The following FBXL7 variants were observed in gnomAD, a reference collection of about 807,000 sequenced individuals.
FBXL7 encodes F-box/LRR-repeat protein 7.
A neutral mutation model predicts 38.3 loss-of-function variants in FBXL7; 12 were observed. That is an observed-to-expected ratio of 0.31 (90% CI 0.20 to 0.51). The LOEUF (loss-of-function observed/expected upper bound fraction) is 0.51. FBXL7 is among the 20% of genes least tolerant of loss of function. The pLI, the probability that FBXL7 is intolerant of heterozygous loss-of-function variation, is 0.98. For synonymous variants in FBXL7, 297 were observed against 300.9 expected (o/e 0.99, Z 0.13); for missense variants, 567 against 676.4 (o/e 0.84, Z 1.79).
chr5:15,523,454 G>A (rs1317570594), intron 1 of FBXL7, among the ~76,000 whole-genome samples: 1 of 152,066 alleles, frequency 6.6e-6, no homozygotes, highest in African/African-American at 2.4e-5. Context: ...AGCTACTCGG[G>A]AGGCTGAGGC....
intron 1 of FBXL7, among the ~76,000 whole-genome samples, chr5:15,547,847 A>G (rs1272861768): frequency 6.6e-6 from 1 of 152,206 alleles, no homozygotes; most frequent in Non-Finnish European, 1.5e-5. Context: ...AGGGGATAGA[A>G]CTAAGTCCAC....
chr5:15,524,161 A>G (rs923114007), intron 1 of FBXL7, among the ~76,000 whole-genome samples: 1 of 152,226 alleles, frequency 6.6e-6, no homozygotes, highest in Non-Finnish European at 1.5e-5. Flanking sequence ...ACTAAGAAGC[A>G]TGTGCGTATA....
chr5:15,753,533 AAGG>A (rs1413914040), intron 2 of FBXL7, among the ~76,000 whole-genome samples: 3 of 152,154 alleles, frequency 2.0e-5, no homozygotes, highest in African/African-American at 7.2e-5. Context: ...ATTGGGAGAG[AAGG>A]AGGTGTGGAC....
chr5:15,516,742 G>C (rs1054631276), intron 1 of FBXL7, among the ~76,000 whole-genome samples: 1 of 152,084 alleles, frequency 6.6e-6, no homozygotes, highest in Non-Finnish European at 1.5e-5. Context: ...TGCTGTTCTC[G>C]TGATAGTGAG....
intron 1 of FBXL7, among the ~76,000 whole-genome samples, chr5:15,592,232 C>T (rs1317452450): frequency 6.6e-6 from 1 of 152,160 alleles, no homozygotes; most frequent in Non-Finnish European, 1.5e-5. Context: ...ATCTGTCCAT[C>T]CTCTGCCCCA....
chr5:15,524,009 T>A (rs531169223), intron 1 of FBXL7, among the ~76,000 whole-genome samples: 1 of 152,320 alleles, frequency 6.6e-6, no homozygotes, highest in East Asian at 1.9e-4. Context: ...CATAGTTAAT[T>A]TGGGTGTTAG....
At chr5:15,677,296 C>G (rs1236892576) in intron 2 of FBXL7, among the ~76,000 whole-genome samples, 1 of 152,022 alleles carries the variant, frequency 6.6e-6, no homozygotes, top group Non-Finnish European at 1.5e-5. Context: ...ATGGTGAAAC[C>G]CTGTCTCTAC....
At chr5:15,507,088 C>A (rs1736668338) in intron 1 of FBXL7, among the ~76,000 whole-genome samples, 1 of 151,614 alleles carries the variant, frequency 6.6e-6, no homozygotes, top group African/African-American at 2.4e-5. Context: ...GCGTGCTCTT[C>A]AAACGTAATA....
At chr5:15,521,812 G>A (rs925120290) in intron 1 of FBXL7, among the ~76,000 whole-genome samples, 2 of 152,148 alleles carry the variant, frequency 1.3e-5, no homozygotes, top group African/African-American at 4.8e-5. Context: ...CAGCCTAAGG[G>A]GGATGATGGA....
At chr5:15,832,033 T>C (rs1282499221) in intron 2 of FBXL7, among the ~76,000 whole-genome samples, 1 of 152,196 alleles carries the variant, frequency 6.6e-6, no homozygotes, top group Non-Finnish European at 1.5e-5. Flanking sequence ...GCATTTGTGC[T>C]ATAAACTCTC....
chr5:15,772,444 T>C (rs1272227846), intron 2 of FBXL7, among the ~76,000 whole-genome samples: 2 of 152,192 alleles, frequency 1.3e-5, no homozygotes, highest in African/African-American at 4.8e-5. Flanking sequence ...TTCCATGGCA[T>C]AGAAGACAAA....
At chr5:15,913,596 A>C (rs976021415) in intron 2 of FBXL7, among the ~76,000 whole-genome samples, 8 of 152,236 alleles carry the variant, frequency 5.3e-5, no homozygotes, top group Admixed American at 2.0e-4. Flanking sequence ...TAAATTCAAT[A>C]CTATGCCATC....
At chr5:15,550,203 C>T (rs572494831) in intron 1 of FBXL7, among the ~76,000 whole-genome samples, 1 of 152,258 alleles carries the variant, frequency 6.6e-6, no homozygotes, top group Admixed American at 6.5e-5. Context: ...CAGGACTTTT[C>T]GAAAGCAACT....
intron 2 of FBXL7, among the ~76,000 whole-genome samples, chr5:15,619,722 T>C (rs1317538622): frequency 6.6e-6 from 1 of 152,192 alleles, no homozygotes; most frequent in African/African-American, 2.4e-5. Flanking sequence ...AAGGATAATA[T>C]TCAGTTTTCC....
At chr5:15,905,658 T>G (rs887556614) in intron 2 of FBXL7, among the ~76,000 whole-genome samples, 3 of 152,166 alleles carry the variant, frequency 2.0e-5, no homozygotes, top group African/African-American at 7.2e-5. Context: ...TGGAATATGA[T>G]GTCAGACTGT....
intron 2 of FBXL7, among the ~76,000 whole-genome samples, chr5:15,914,394 A>G (rs1203762025): frequency 2.6e-5 from 4 of 151,800 alleles, no homozygotes; most frequent in Non-Finnish European, 4.4e-5. Flanking sequence ...TCAAAAAAAA[A>G]AAAAAAAAAA....
At chr5:15,815,264 G>A (rs406819) in intron 2 of FBXL7, among the ~76,000 whole-genome samples, 80,715 of 151,956 alleles carry the variant, frequency 0.53, 22,724 homozygotes, top group Non-Finnish European at 0.64. Flanking sequence ...GATCCAATGA[G>A]ATGCTTCTTG....
intron 2 of FBXL7, among the ~76,000 whole-genome samples, chr5:15,728,049 T>G (rs936535974): frequency 6.6e-6 from 1 of 152,214 alleles, no homozygotes; most frequent in Non-Finnish European, 1.5e-5. Flanking sequence ...TTATTGTACT[T>G]TTCAGCTCCC....
intron 2 of FBXL7, among the ~76,000 whole-genome samples, chr5:15,766,869 A>G (rs1393630928): frequency 6.6e-6 from 1 of 152,204 alleles, no homozygotes; most frequent in Non-Finnish European, 1.5e-5. Flanking sequence ...ACTACATTCT[A>G]CCGTGACGAG....
Sources: allele counts gnomAD v4.1 joint callset (sites outside exome capture counted in the v4.1 genomes callset), GRCh38; gene constraint gnomAD v4.1.1; transcripts MANE v1.5; gene names NCBI Gene and HGNC (gene_info 2026-07-23, HGNC 2026-07-21).